MPHOSPH9: variants seen among roughly 807,000 people sequenced by gnomAD.
MPHOSPH9 encodes the protein M-phase phosphoprotein 9.
A neutral mutation model predicts 145.5 loss-of-function variants in MPHOSPH9; 88 were observed. That is an observed-to-expected ratio of 0.60 (90% CI 0.51 to 0.72). The LOEUF is 0.72. MPHOSPH9 is among the 30% of genes least tolerant of loss of function. MPHOSPH9 has a pLI of 0.00. For missense variants in MPHOSPH9, 1,238 were observed against 1,386.6 expected (o/e 0.89, Z 1.70); for synonymous variants, 435 against 486.2 (o/e 0.89, Z 1.39).
intron 13 of MPHOSPH9, among the ~76,000 whole-genome samples, chr12:123,183,547 C>CA (rs746928699): frequency 0.048 from 2,865 of 59,756 alleles, 230 homozygotes; most frequent in South Asian, 0.14. Flanking sequence ...GACTCTGTCT[C>CA]AAAAAAAAAA....
At chr12:123,193,071 CAAAAAAAAAAAAA>C (rs768866302) in intron 13 of MPHOSPH9, among the ~76,000 whole-genome samples, 2 of 29,594 alleles carry the variant, frequency 6.8e-5, no homozygotes, top group African/African-American at 1.5e-4. Flanking sequence ...GATTGTCTTT[CAAAAAAAAAAAAA>C]AAAAAAAAAA....
In MPHOSPH9 at chr12:123,156,836, G is replaced by A; in HGVS notation, c.3523C>T (p.His1175Tyr). Residue 1175 changes from histidine (H) to tyrosine (Y), a missense_variant, in exon 24 of 24, where the codon CAT becomes TAT. His to Tyr is a moderately conservative substitution (Grantham distance 83). This residue lies in a region of MPHOSPH9 where 393 missense variants were observed against 462.5 expected (regional missense o/e 0.85). Transcript: ENST00000606320. ...AGATTTGCAGAGGTGCGCAAAACAT[G>A]GAATTTCTTTAGCGTCATGCGAACT... ...GSVRMTLKKFHVLRTSANL is the reference protein window; with the variant it reads ...GSVRMTLKKFYVLRTSANL The A allele has an allele frequency of 1.2e-6, 2 of 1,611,872 alleles. No individual in the cohort carries two copies. Among genetic ancestry groups the A allele is most frequent in the Non-Finnish European group, 1.7e-6 (2 of 1,178,344 alleles).
At chr12:123,193,407 A>G (rs1279238480) in intron 13 of MPHOSPH9, among the ~76,000 whole-genome samples, 1 of 152,190 alleles carries the variant, frequency 6.6e-6, no homozygotes, top group African/African-American at 2.4e-5. Context: ...CATGAGATGC[A>G]AATCTAAAGC....
chr12:123,216,892 G>A (rs1392281596), intron 6 of MPHOSPH9, among the ~76,000 whole-genome samples: 1 of 151,624 alleles, frequency 6.6e-6, no homozygotes, highest in East Asian at 2.0e-4. Context: ...GAGAGGCCGA[G>A]GCAGGAGAAT....
chr12:123,190,312 C>A (rs2045623639), intron 13 of MPHOSPH9, among the ~76,000 whole-genome samples: 1 of 151,980 alleles, frequency 6.6e-6, no homozygotes, highest in Non-Finnish European at 1.5e-5. Context: ...ACCACCACGC[C>A]CAACTAATTT....
At chr12:123,198,380 C>T (rs1467357193) in intron 11 of MPHOSPH9, 46 bp from the exon 12 acceptor site, 3 of 1,419,994 alleles carry the variant, frequency 2.1e-6, no homozygotes, top group South Asian at 1.2e-5. Context: ...AAATTATTAC[C>T]CTTAAAAGTA....
chr12:123,214,124 G>A (rs900450025), intron 7 of MPHOSPH9, among the ~76,000 whole-genome samples: 2 of 152,014 alleles, frequency 1.3e-5, no homozygotes, highest in Non-Finnish European at 2.9e-5. Flanking sequence ...TGGCTCAGAG[G>A]GTTTGAATTT....
Position 123,194,444 on chromosome 12 carries a change from T to C in MPHOSPH9, c.2183A>G (p.Tyr728Cys), listed in dbSNP as rs2045853344. 5 of 1,609,848 alleles carry C rather than the reference T, an allele frequency of 3.1e-6. No homozygotes were observed. Among genetic ancestry groups the C allele is most frequent in the Non-Finnish European group, 3.4e-6 (4 of 1,178,546 alleles). ...AGCTTCTTTATCATCTGAGAGTTTG[T>C]AAGCATTCTCAAATGCTTCTTCTAA... ...QDLEEAFENA[Y>C]KLSDDKEAQL... is the part of the protein sequence containing the mutation. The change falls in exon 13 of 24, where the codon TAC becomes TGC. Residue 728 changes from tyrosine (Y) to cysteine (C), a missense_variant. Physicochemically the swap from Tyr to Cys is radical, Grantham distance 194. This residue lies in a region of MPHOSPH9 where 837 missense variants were observed against 897.5 expected (regional missense o/e 0.93). Coordinates refer to ENST00000606320, the MANE Select transcript of MPHOSPH9 (RefSeq NM_022782.4).
At position 123,159,480 on chromosome 12, in the gene MPHOSPH9, G is replaced by GT. The variant is rs1035975715; in HGVS notation, c.3450+1300dup. On this transcript the variant is annotated intron_variant, in intron 23 of 23. Coordinates refer to ENST00000606320, the MANE Select transcript of MPHOSPH9 (RefSeq NM_022782.4). The surrounding 1 kb of genome is among the most constrained non-coding windows in gnomAD (Gnocchi z 4.3). ...GCCTGGCCATGGCAGGTTTTTTTTT[G>GT]TTTTTTTTGTTGTTGTTGTTTTCCC... Among the ~76,000 whole-genome samples the GT allele has an allele frequency of 2.9e-4, 44 of 151,392 alleles. No homozygotes were observed. The highest frequency in any genetic ancestry group is 7.0e-4 in the African/African-American group (29 of 41,314).
intron 19 of MPHOSPH9, chr12:123,163,415 G>A: frequency 3.0e-6 from 1 of 333,076 alleles, no homozygotes; most frequent in Non-Finnish European, 5.4e-6. Flanking sequence ...GATGGAAACA[G>A]CAGTACACTA....
intron 20 of MPHOSPH9, 24 bp from the exon 21 acceptor site, chr12:123,162,242 GT>G: frequency 7.5e-7 from 1 of 1,327,512 alleles, no homozygotes; most frequent in Non-Finnish European, 1.0e-6. Flanking sequence ...CAAGTTACTT[GT>G]GAGAAAAAAA....
chr12:123,233,493 C>G (rs2047764130), upstream of MPHOSPH9: 1 of 152,270 alleles, frequency 6.6e-6, no homozygotes, highest in Non-Finnish European at 1.5e-5. Context: ...TTTGGATATC[C>G]CTAGAACGTT....
At chr12:123,180,943 CAATA>C (rs1399047232) in intron 14 of MPHOSPH9, among the ~76,000 whole-genome samples, 1 of 152,142 alleles carries the variant, frequency 6.6e-6, no homozygotes, top group Non-Finnish European at 1.5e-5. Context: ...AATAGCCATT[CAATA>C]AATATTTGTC....
At chr12:123,184,351 C>CTA (rs1449384655) in intron 13 of MPHOSPH9, among the ~76,000 whole-genome samples, 2 of 152,090 alleles carry the variant, frequency 1.3e-5, no homozygotes. Context: ...AAAAAACCTT[C>CTA]TAAACATTCA....
rs557857512 is a variant in MPHOSPH9 at position 123,184,319 on chromosome 12, C to T, written c.2242-3109G>A. On this transcript the variant is annotated intron_variant, in intron 13 of 23. Transcript: ENST00000606320. ...CAAGAGACTGTAAGACCTGTCTTTA[C>T]GAAAACTGAACAACCCCAGAAAAAA... Among the ~76,000 whole-genome samples, 13 of 152,002 alleles carry T rather than the reference C, an allele frequency of 8.6e-5. No individual in the cohort carries two copies. The East Asian group carries it at 1.9e-3, about 23-fold the overall frequency.
At chr12:123,226,395 T>C in intron 3 of MPHOSPH9, 1 of 904,474 alleles carries the variant, frequency 1.1e-6, no homozygotes, top group Admixed American at 3.8e-5. Flanking sequence ...ACAATTAACG[T>C]TTAAAACAAG....
At chr12:123,152,386 C>T (rs1224361995), downstream of MPHOSPH9, 2 of 342,042 alleles carry the variant, frequency 5.8e-6, no homozygotes, top group South Asian at 2.2e-5. Context: ...TCCCTGCTCC[C>T]GCGGAGCTTA....
chr12:123,228,723 T>C (rs1360198754), intron 2 of MPHOSPH9, among the ~76,000 whole-genome samples: 1 of 152,114 alleles, frequency 6.6e-6, no homozygotes. Context: ...ATGTTATCAG[T>C]AAAGGATTTT....
At chr12:123,222,926 G>A in intron 4 of MPHOSPH9, 112 bp downstream of exon 4, 1 of 631,046 alleles carries the variant, frequency 1.6e-6, no homozygotes. Flanking sequence ...ACAAGAGTGA[G>A]ACTCCATTTC....
Sources: gnomAD v4.1 joint callset for allele counts (sites outside exome capture counted in the v4.1 genomes callset) on GRCh38, gnomAD v4.1.1 for gene constraint, gnomAD v4.1.1 regional missense constraint, Gnocchi (gnomAD v3.1) non-coding constraint, MANE v1.5 for transcripts, NCBI Gene and HGNC (gene_info 2026-07-23, HGNC 2026-07-21) for gene names.